The following C1GALT1 variants were observed in gnomAD, a reference collection of about 807,000 sequenced individuals.
C1GALT1 encodes glycoprotein-N-acetylgalactosamine 3-beta-galactosyltransferase 1.
Under a neutral mutation model 31.0 loss-of-function variants are expected in C1GALT1, and 11 were observed. The ratio of observed to expected loss-of-function variants is 0.36; its 90% CI spans 0.22 to 0.59. The LOEUF is 0.59. Ranked by LOEUF, C1GALT1 falls within the 20% of genes least tolerant of loss-of-function variation. C1GALT1 has a pLI of 0.79. For synonymous variants in C1GALT1, 175 were observed against 143.6 expected (o/e 1.22, Z -1.56); for missense variants, 424 against 425.2 (o/e 1.00, Z 0.03).
rs78704698 is a variant in C1GALT1 at position 7,189,759 on chromosome 7, C to G, written c.-18+6939C>G. 2.0e-3 allele frequency among the ~76,000 whole-genome samples: 306 copies of G among 152,106 alleles called. 1 individual carries two copies. Among genetic ancestry groups the G allele is most frequent in the African/African-American group, 6.9e-3 (288 of 41,500 alleles). The stretch of plus-strand genomic sequence containing the variant: ...TCTGAGTGTGGGAGAGATCTCAATT[C>G]GTAATATCAAAATGCAAAAATATAT... On this transcript the variant is annotated intron_variant, in intron 1 of 3. Coordinates refer to ENST00000436587, the MANE Select transcript of C1GALT1 (RefSeq NM_020156.5).
chr7:7,218,568 C>T (rs896834866), intron 1 of C1GALT1, among the ~76,000 whole-genome samples: 5 of 152,152 alleles, frequency 3.3e-5, no homozygotes, highest in African/African-American at 1.2e-4. Flanking sequence ...TTTGCCCCCT[C>T]ATTACAAGCT....
Position 7,234,447 on chromosome 7 carries a change from A to G in C1GALT1, c.128A>G (p.His43Arg), listed in dbSNP as rs895466171. 3 of 1,613,982 alleles carry G rather than the reference A, an allele frequency of 1.9e-6. No individual in the cohort carries two copies. Among genetic ancestry groups the G allele is most frequent in the South Asian group, 1.1e-5 (1 of 91,078 alleles). Residue 43 changes from histidine (H) to arginine (R), a missense_variant, in exon 2 of 4, where the codon CAT (histidine) becomes CGT (arginine). His to Arg is a conservative substitution (Grantham distance 29, BLOSUM62 0). Around this residue, in one of 3 missense-constraint regions of C1GALT1, gnomAD observed 189 missense variants for 158.2 expected, o/e 1.19. Coordinates refer to ENST00000436587, the MANE Select transcript of C1GALT1 (RefSeq NM_020156.5). ...GTTGACACCCAGCCTAATGTTCTTC[A>G]TAATGATCCTCATGCAAGGCATTCA... ...EKVDTQPNVL[H>R]NDPHARHSDD...
Position 7,238,325 on chromosome 7 carries a change from T to A in C1GALT1, c.291T>A (p.Pro97=). Residue 97 remains proline (P), a synonymous_variant, in exon 3 of 4, where the codon CCT becomes CCA. Coordinates refer to ENST00000436587, the MANE Select transcript of C1GALT1 (RefSeq NM_020156.5). This position sits in a 1 kb window ranked among gnomAD's most constrained non-coding sequence, Gnocchi z 5.2. The part of the protein sequence containing the change: ...VRILCWVMTG[P]QNLEKKAKHV... ...TTCTTTGCTGGGTTATGACCGGCCCTCAAAACCTAGAGAAAAAGGCCAAAC... is the reference window on the plus strand; with the variant it reads ...TTCTTTGCTGGGTTATGACCGGCCCACAAAACCTAGAGAAAAAGGCCAAAC... 6.2e-7 allele frequency: 1 copy of A among 1,614,012 alleles called. No individual in the cohort carries two copies. Among genetic ancestry groups the A allele is most frequent in the Non-Finnish European group, 8.5e-7 (1 of 1,179,952 alleles).
intron 1 of C1GALT1, among the ~76,000 whole-genome samples, chr7:7,203,845 T>G (rs1781618199): frequency 6.7e-6 from 1 of 149,222 alleles, no homozygotes; most frequent in South Asian, 2.1e-4. Flanking sequence ...TCCTAGCTGT[T>G]TGAAACTATA....
At chr7:7,183,681 C>T (rs2128228966) in intron 1 of C1GALT1, 4 of 808,384 alleles carry the variant, frequency 4.9e-6, no homozygotes, top group Non-Finnish European at 6.0e-6. Flanking sequence ...CACCCCCCAC[C>T]ACCCCGCATT....
At chr7:7,237,187 T>C (rs1488231924) in intron 2 of C1GALT1, among the ~76,000 whole-genome samples, 1 of 152,226 alleles carries the variant, frequency 6.6e-6, no homozygotes, top group African/African-American at 2.4e-5. Context: ...ATTTACACAG[T>C]GTAGACCTCT....
At chr7:7,240,057 A>G (rs1345242911) in intron 3 of C1GALT1, among the ~76,000 whole-genome samples, 4 of 152,200 alleles carry the variant, frequency 2.6e-5, no homozygotes, top group African/African-American at 9.7e-5. Context: ...CGTATAAATA[A>G]TACACTTCAT....
chr7:7,204,649 C>G (rs1781659280), intron 1 of C1GALT1, among the ~76,000 whole-genome samples: 1 of 151,868 alleles, frequency 6.6e-6, no homozygotes. Context: ...AAAATAGGTT[C>G]TTGAATTGAG....
chr7:7,172,169 A>C (rs905304764), intron 2 of C1GALT1, among the ~76,000 whole-genome samples: 1 of 152,184 alleles, frequency 6.6e-6, no homozygotes, highest in South Asian at 2.1e-4. Context: ...GTTTATCTGA[A>C]TATATCCTAA....
In C1GALT1 at chr7:7,247,849, C is replaced by G. The variant is rs1216399573; in HGVS notation, c.*4122C>G. 1 of 151,878 alleles carries G rather than the reference C, an allele frequency of 6.6e-6. No individual in the cohort carries two copies. Among genetic ancestry groups the G allele is most frequent in the Non-Finnish European group, 1.5e-5 (1 of 67,894 alleles). 9.4% of individuals were successfully genotyped at this position (151,878 alleles called of 1,614,324 possible). ...TATCACTTAATTGATAATTTTAAGCCTACTAACTAGGGTTCCCTATGAAAT... is the reference window on the plus strand; with the variant it reads ...TATCACTTAATTGATAATTTTAAGCGTACTAACTAGGGTTCCCTATGAAAT... On this transcript the variant is annotated 3_prime_UTR_variant, in exon 4 of 4. Transcript: ENST00000436587.
intron 1 of C1GALT1, among the ~76,000 whole-genome samples, chr7:7,220,395 A>G (rs369309032): frequency 2.0e-5 from 3 of 152,228 alleles, no homozygotes; most frequent in African/African-American, 7.2e-5. Context: ...AACTTCTCCC[A>G]GTCCCCAGAC....
chr7:7,229,128 T>C (rs1470080128), intron 1 of C1GALT1, among the ~76,000 whole-genome samples: 3 of 152,230 alleles, frequency 2.0e-5, no homozygotes, highest in Non-Finnish European at 4.4e-5. Flanking sequence ...GCCTAAGTGG[T>C]ACTGAATGGC....
At chr7:7,218,310 C>G (rs950395647) in intron 1 of C1GALT1, among the ~76,000 whole-genome samples, 18 of 152,160 alleles carry the variant, frequency 1.2e-4, no homozygotes, top group African/African-American at 4.1e-4. Context: ...GAAAGGTGAA[C>G]TAGAGCTAGA....
intron 1 of C1GALT1, among the ~76,000 whole-genome samples, chr7:7,200,540 C>T (rs933617418): frequency 1.3e-5 from 2 of 152,100 alleles, no homozygotes; most frequent in Admixed American, 6.5e-5. Flanking sequence ...TGAATGTTGG[C>T]CTGCCTCGCT....
At chr7:7,237,145 GTTTTAT>G (rs1562596566) in intron 2 of C1GALT1, among the ~76,000 whole-genome samples, 1 of 152,140 alleles carries the variant, frequency 6.6e-6, no homozygotes, top group African/African-American at 2.4e-5. Context: ...TTATATTTTA[GTTTTAT>G]TTTTCTTATA....
At chr7:7,226,780 T>C (rs562980559) in intron 1 of C1GALT1, among the ~76,000 whole-genome samples, 1 of 152,300 alleles carries the variant, frequency 6.6e-6, no homozygotes, top group East Asian at 1.9e-4. Context: ...AGGACTCTTG[T>C]TGAGCATGGA....
chr7:7,217,927 G>A (rs901718797), intron 1 of C1GALT1, among the ~76,000 whole-genome samples: 7 of 152,168 alleles, frequency 4.6e-5, no homozygotes, highest in Non-Finnish European at 8.8e-5. Context: ...GCCGCAAAAA[G>A]CTAGATGGCT....
chr7:7,222,526 T>C (rs1014277757), intron 1 of C1GALT1, among the ~76,000 whole-genome samples: 1 of 152,230 alleles, frequency 6.6e-6, no homozygotes, highest in Non-Finnish European at 1.5e-5. Flanking sequence ...ATAGCTATTA[T>C]ACAAAGTGTT....
chr7:7,157,988 C>T (rs1780291896), intron 2 of C1GALT1, among the ~76,000 whole-genome samples: 1 of 152,106 alleles, frequency 6.6e-6, no homozygotes, highest in Admixed American at 6.6e-5. Context: ...AGATAACTTG[C>T]TAAATCAAAA....
Sources: allele counts gnomAD v4.1 joint callset (sites outside exome capture counted in the v4.1 genomes callset), GRCh38; gene constraint gnomAD v4.1.1; regional missense constraint gnomAD v4.1.1; non-coding constraint Gnocchi (gnomAD v3.1); transcripts MANE v1.5; gene names NCBI Gene and HGNC (gene_info 2026-07-23, HGNC 2026-07-21).